IL1RL2: variants seen among roughly 807,000 people sequenced by gnomAD.
IL1RL2 encodes interleukin-1 receptor-like 2.
In IL1RL2, 68 loss-of-function variants were observed where a neutral mutation model predicts 66.8. The observed-to-expected ratio is 1.02, with a 90% CI of 0.84 to 1.25. The LOEUF (loss-of-function observed/expected upper bound fraction) is 1.25. Among genes scored for constraint, IL1RL2 ranks in the 50% most tolerant of loss-of-function variants. The probability of loss-of-function intolerance (pLI) is 0.00; values close to 1 mark genes in which losing one functional copy is unlikely to be tolerated. For missense variants in IL1RL2, 729 were observed against 709.3 expected (o/e 1.03, Z -0.32); for synonymous variants, 305 against 264.6 (o/e 1.15, Z -1.48).
intron 6 of IL1RL2, among the ~76,000 whole-genome samples, chr2:102,213,042 C>T (rs545587223): frequency 6.6e-6 from 1 of 151,982 alleles, no homozygotes; most frequent in African/African-American, 2.4e-5. Flanking sequence ...GAAAAAAAAG[C>T]AAATTAGACA....
intron 6 of IL1RL2, among the ~76,000 whole-genome samples, chr2:102,213,619 AAAT>A (rs1437259361): frequency 6.6e-6 from 1 of 152,202 alleles, no homozygotes; most frequent in East Asian, 1.9e-4. Flanking sequence ...AATATTTAGA[AAAT>A]AATGATAGTG....
intron 2 of IL1RL2, among the ~76,000 whole-genome samples, chr2:102,188,358 G>C (rs1184689496): frequency 6.6e-6 from 1 of 152,114 alleles, no homozygotes; most frequent in Non-Finnish European, 1.5e-5. Flanking sequence ...GCCAAGGCGG[G>C]CGGATCACGA....
chr2:102,219,124 G>A (rs1437792625), intron 7 of IL1RL2, 42 bp downstream of exon 7: 1 of 1,610,250 alleles, frequency 6.2e-7, no homozygotes, highest in African/African-American at 1.3e-5. Flanking sequence ...CGCTAGCAAG[G>A]ATTTCTCCAT....
chr2:102,201,676 A>T lies in IL1RL2; in HGVS notation c.610A>T (p.Lys204Ter). 2 of 1,614,048 alleles carry T rather than the reference A, an allele frequency of 1.2e-6. No homozygotes were observed. Among genetic ancestry groups the T allele is most frequent in the African/African-American group, 1.3e-5 (1 of 75,038 alleles). ...ACQAILTHSG[K>*]QYEVLNGITV... The stretch of plus-strand genomic sequence containing the variant: ...TCAAGCCATACTGACACACTCAGGG[A>T]AGCAGTACGAGGTTTTAAATGGCAT... Residue 204 changes from lysine to a stop codon, truncating the protein, a stop_gained, in exon 5 of 12, where the codon AAG (lysine) becomes TAG (stop). Transcript: ENST00000264257. LOFTEE classifies it high-confidence loss of function.
At chr2:102,217,251 G>GT (rs550232694) in intron 6 of IL1RL2, among the ~76,000 whole-genome samples, 163 of 152,206 alleles carry the variant, frequency 1.1e-3, no homozygotes, top group African/African-American at 3.7e-3. Context: ...TTGGATAGCA[G>GT]TTTTTATTTT....
intron 9 of IL1RL2, among the ~76,000 whole-genome samples, chr2:102,230,558 T>G (rs1031324640): frequency 2.6e-5 from 4 of 152,204 alleles, no homozygotes; most frequent in Non-Finnish European, 5.9e-5. Flanking sequence ...GGATATTCGG[T>G]GAGCACTGAT....
chr2:102,236,020 G>A (rs1342986888), intron 11 of IL1RL2: 1 of 835,168 alleles, frequency 1.2e-6, no homozygotes, highest in Non-Finnish European at 1.4e-6. Flanking sequence ...CAGCCTGTGA[G>A]AGACGCAATT....
intron 3 of IL1RL2, among the ~76,000 whole-genome samples, chr2:102,191,446 T>G (rs905645259): frequency 1.3e-5 from 2 of 152,230 alleles, no homozygotes; most frequent in Non-Finnish European, 2.9e-5. Flanking sequence ...CAATCTGGGA[T>G]CATGCATTGC....
downstream of IL1RL2, among the ~76,000 whole-genome samples, chr2:102,241,472 A>G (rs1308946882): frequency 3.9e-5 from 6 of 152,226 alleles, no homozygotes; most frequent in Non-Finnish European, 5.9e-5. Flanking sequence ...AAAAAGGGAT[A>G]ATACAATGTT....
chr2:102,235,561 C>G, intron 11 of IL1RL2: 1 of 985,410 alleles, frequency 1.0e-6, no homozygotes. Flanking sequence ...AGCACTTGGG[C>G]CCCTTGAGAA....
chr2:102,239,270 A>T lies in IL1RL2; in HGVS notation c.*29A>T. The T allele has an allele frequency of 1.9e-6, 3 of 1,607,974 alleles. No homozygotes were observed. Among genetic ancestry groups the T allele is most frequent in the Non-Finnish European group, 2.6e-6 (3 of 1,174,432 alleles). On this transcript the variant is annotated 3_prime_UTR_variant, in exon 12 of 12. Coordinates refer to ENST00000264257, the MANE Select transcript of IL1RL2 (RefSeq NM_003854.4). ...TTGCTGGACTGACACCTATGGCTGG[A>T]AGATGACTTGTTTTGCTCCATGTCT...
chr2:102,187,310 C>A, intron 1 of IL1RL2: 1 of 1,175,484 alleles, frequency 8.5e-7, no homozygotes, highest in South Asian at 1.6e-5. Flanking sequence ...GGCTCCCTGC[C>A]TTCCTTTCTC....
chr2:102,224,786 C>A (rs34870077), intron 8 of IL1RL2, among the ~76,000 whole-genome samples: 603 of 152,244 alleles, frequency 4.0e-3, no homozygotes, highest in African/African-American at 0.014. Flanking sequence ...ATCCCAATTG[C>A]CCTGATTTGA....
chr2:102,231,215 G>T (rs1412525722), intron 9 of IL1RL2, among the ~76,000 whole-genome samples: 1 of 152,158 alleles, frequency 6.6e-6, no homozygotes, highest in Non-Finnish European at 1.5e-5. Flanking sequence ...TTCTGAAGCT[G>T]CACCCCTGCA....
chr2:102,195,682 T>C (rs1190782568), intron 4 of IL1RL2, among the ~76,000 whole-genome samples: 1 of 129,606 alleles, frequency 7.7e-6, no homozygotes, highest in Admixed American at 8.2e-5. Context: ...TTTCTTTCTT[T>C]CTTCTTTCTT....
chr2:102,194,762 T>C (rs1222859360), intron 4 of IL1RL2, among the ~76,000 whole-genome samples: 8 of 152,256 alleles, frequency 5.3e-5, no homozygotes, highest in African/African-American at 1.9e-4. Flanking sequence ...TGAAAATTTT[T>C]TTTGAGACTA....
intron 4 of IL1RL2, among the ~76,000 whole-genome samples, chr2:102,195,611 TTCTTTCTTTCTTTCTTTCTC>T (rs1687651922): frequency 1.1e-4 from 2 of 17,670 alleles, no homozygotes; most frequent in Non-Finnish European, 2.7e-4. Flanking sequence ...CTTTCTTTCT[TTCTTTCTTTCTTTCTTTCTC>T]TCTCTCTCTC....
At chr2:102,231,103 G>A (rs1025571805) in intron 9 of IL1RL2, among the ~76,000 whole-genome samples, 2 of 152,122 alleles carry the variant, frequency 1.3e-5, no homozygotes, top group African/African-American at 4.8e-5. Context: ...CCAATGAGAC[G>A]CCCACACTTA....
Position 102,234,967 on chromosome 2 carries a change from G to T in IL1RL2, c.1368G>T (p.Ser456=), listed in dbSNP as rs773100823. The part of the protein sequence containing the change: ...RRLIVIVVPE[S]LGFGLLKNLS... ...TGATTGTCATTGTGGTCCCCGAATC[G>T]CTGGGCTTTGGCCTGTTGAAGAACC... The change falls in exon 11 of 12, where the codon TCG becomes TCT. Residue 456 remains serine (S), a synonymous_variant. Transcript: ENST00000264257. 1.2e-6 allele frequency: 2 copies of T among 1,614,170 alleles called. No individual in the cohort carries two copies. The highest frequency in any genetic ancestry group is 2.2e-5 in the East Asian group (1 of 44,876).
Sources: allele counts gnomAD v4.1 joint callset (sites outside exome capture counted in the v4.1 genomes callset), GRCh38; gene constraint gnomAD v4.1.1; transcripts MANE v1.5; gene names NCBI Gene and HGNC (gene_info 2026-07-23, HGNC 2026-07-21).